The following CSMD1 variants were observed in gnomAD, a reference collection of about 807,000 sequenced individuals.
CSMD1 encodes the protein CUB and sushi domain-containing protein 1.
In CSMD1, 213 loss-of-function variants were observed where a neutral mutation model predicts 417.5. The ratio of observed to expected loss-of-function variants is 0.51; its 90% CI spans 0.46 to 0.57. The LOEUF (loss-of-function observed/expected upper bound fraction) is 0.57. Ranked by LOEUF, CSMD1 falls within the 20% of genes least tolerant of loss-of-function variation. The pLI, the probability that CSMD1 is intolerant of heterozygous loss-of-function variation, is 0.00. For synonymous variants in CSMD1, 2,862 were observed against 1,736.8 expected, an observed-to-expected ratio of 1.65 and a Z score of -16.11; for missense variants, 6,923 against 4,529.7, an observed-to-expected ratio of 1.53 and a Z score of -15.17.
intron 6 of CSMD1, among the ~76,000 whole-genome samples, chr8:3,743,797 C>T (rs893150758): frequency 6.6e-6 from 1 of 152,148 alleles, no homozygotes; most frequent in Admixed American, 6.5e-5. Flanking sequence ...TTACAGCTGC[C>T]GTCACTCCCT....
chr8:3,237,059 G>A (rs987939492), intron 26 of CSMD1, among the ~76,000 whole-genome samples: 1 of 152,028 alleles, frequency 6.6e-6, no homozygotes, highest in Admixed American at 6.6e-5. Flanking sequence ...ACAGCAGTGG[G>A]TCTGACTGTT....
intron 3 of CSMD1, among the ~76,000 whole-genome samples, chr8:4,360,994 T>G (rs1410063068): frequency 2.0e-5 from 3 of 152,204 alleles, no homozygotes; most frequent in Non-Finnish European, 4.4e-5. Flanking sequence ...GACTAATATT[T>G]GAAGACATTT....
intron 1 of CSMD1, among the ~76,000 whole-genome samples, chr8:4,753,253 C>G (rs981353367): frequency 2.6e-5 from 4 of 151,450 alleles, no homozygotes; most frequent in Non-Finnish European, 5.9e-5. Context: ...GGCTGAGTCA[C>G]AAAAGAAAAT....
At chr8:4,347,320 G>A (rs1800829404) in intron 3 of CSMD1, among the ~76,000 whole-genome samples, 1 of 152,126 alleles carries the variant, frequency 6.6e-6, no homozygotes, top group South Asian at 2.1e-4. Flanking sequence ...AAATTATTCA[G>A]TCTATAGCAT....
intron 1 of CSMD1, among the ~76,000 whole-genome samples, chr8:4,737,068 A>G (rs1449464213): frequency 6.6e-6 from 1 of 152,218 alleles, no homozygotes; most frequent in Non-Finnish European, 1.5e-5. Flanking sequence ...ACAAAAGAAA[A>G]GACATGTAAT....
At chr8:3,664,486 T>C (rs1798581155) in intron 7 of CSMD1, among the ~76,000 whole-genome samples, 1 of 152,242 alleles carries the variant, frequency 6.6e-6, no homozygotes, top group South Asian at 2.1e-4. Flanking sequence ...ATGTTAATCA[T>C]GCATAGAATA....
chr8:3,631,799 C>A (rs951550056), intron 7 of CSMD1, among the ~76,000 whole-genome samples: 3 of 152,186 alleles, frequency 2.0e-5, no homozygotes, highest in African/African-American at 7.2e-5. Context: ...ATTTCTCTGC[C>A]TTAGGCACTA....
chr8:3,941,265 G>C (rs748343846), intron 5 of CSMD1, among the ~76,000 whole-genome samples: 2 of 152,108 alleles, frequency 1.3e-5, no homozygotes, highest in African/African-American at 4.8e-5. Context: ...AACCTGACTT[G>C]CTGAATTACA....
intron 3 of CSMD1, among the ~76,000 whole-genome samples, chr8:4,330,767 C>T (rs1799825340): frequency 6.6e-6 from 1 of 152,070 alleles, no homozygotes; most frequent in African/African-American, 2.4e-5. Context: ...TGCGGCATCT[C>T]CTCCCTACTT....
intron 1 of CSMD1, among the ~76,000 whole-genome samples, chr8:4,791,855 A>G (rs572394925): frequency 1.3e-3 from 200 of 151,976 alleles, no homozygotes; most frequent in African/African-American, 4.5e-3. Flanking sequence ...ACTTTTTTTC[A>G]AAAAAAAATT....
rs564675431 is a variant in CSMD1 at position 3,517,156 on chromosome 8, C to T, written c.1345-23430G>A. 4.6e-5 allele frequency among the ~76,000 whole-genome samples: 7 copies of T among 152,182 alleles called. No individual in the cohort carries two copies. The East Asian group carries it at 1.4e-3, about 29-fold the overall frequency. On this transcript the variant is annotated intron_variant, in intron 10 of 69. Coordinates refer to ENST00000635120, the MANE Select transcript of CSMD1 (RefSeq NM_033225.6). Reference sequence around the variant, plus strand: ...TCCCTCCTGCAGTGTGCTCCTCATGCTCATCCCTTCTCATGCCTGTCACCA... The same window carrying T: ...TCCCTCCTGCAGTGTGCTCCTCATGTTCATCCCTTCTCATGCCTGTCACCA...
chr8:4,388,769 T>G lies in CSMD1; in HGVS notation c.415+31184A>C, dbSNP rs896097237. ...AGTAAAAATAAAATAAAACCTGTCT[T>G]TCTGTGTATTCAGTCCTTGATCCTC... On this transcript the variant is annotated intron_variant, in intron 3 of 69. Transcript: ENST00000635120. 8.5e-5 allele frequency among the ~76,000 whole-genome samples: 13 copies of G among 152,284 alleles called. No homozygotes were observed. The East Asian group carries it at 2.5e-3, about 29-fold the overall frequency.
At chr8:4,275,988 T>C (rs990212136) in intron 3 of CSMD1, among the ~76,000 whole-genome samples, 13 of 152,316 alleles carry the variant, frequency 8.5e-5, no homozygotes, top group Admixed American at 8.5e-4. Flanking sequence ...CTGGAGAGAC[T>C]GTGGAGAAAT....
chr8:4,739,799 G>A (rs1049460470), intron 1 of CSMD1, among the ~76,000 whole-genome samples: 6 of 151,986 alleles, frequency 3.9e-5, no homozygotes, highest in Admixed American at 2.0e-4. Flanking sequence ...TTTCTTACCT[G>A]CTGCAACAGC....
intron 7 of CSMD1, among the ~76,000 whole-genome samples, chr8:3,693,072 A>G (rs1800342415): frequency 6.6e-6 from 1 of 152,198 alleles, no homozygotes; most frequent in South Asian, 2.1e-4. Flanking sequence ...AATCAGGAAT[A>G]CATTTATTCT....
At chr8:4,009,406 AG>A (rs1816377692) in intron 4 of CSMD1, among the ~76,000 whole-genome samples, 1 of 152,234 alleles carries the variant, frequency 6.6e-6, no homozygotes, top group South Asian at 2.1e-4. Context: ...TTTATCATAA[AG>A]AAAAATTGAA....
intron 4 of CSMD1, among the ~76,000 whole-genome samples, chr8:4,015,957 G>T (rs909090348): frequency 6.6e-6 from 1 of 152,186 alleles, no homozygotes; most frequent in Admixed American, 6.5e-5. Context: ...CAAGAAGGTT[G>T]CCGTTGGAGG....
intron 40 of CSMD1, among the ~76,000 whole-genome samples, chr8:3,150,016 T>C (rs1819095467): frequency 1.3e-5 from 2 of 152,088 alleles, no homozygotes; most frequent in Non-Finnish European, 2.9e-5. Flanking sequence ...ACTCCAAAGA[T>C]TAGTTCAATA....
Position 4,602,201 on chromosome 8 carries a change from G to T in CSMD1, c.302+35141C>A, listed in dbSNP as rs144453207. On this transcript the variant is annotated intron_variant, in intron 2 of 69. Coordinates refer to ENST00000635120, the MANE Select transcript of CSMD1 (RefSeq NM_033225.6). ...CCCTTATTTCATGTCTTGAGGCATT[G>T]CCTTTCCACCCTATGTCATTGAAAA... Among the ~76,000 whole-genome samples, 372 of 152,190 alleles carry T rather than the reference G, an allele frequency of 2.4e-3. 13 individuals carry two copies. In the East Asian group the frequency reaches 0.064, roughly 26 times the overall value.
Sources: allele counts gnomAD v4.1 joint callset (sites outside exome capture counted in the v4.1 genomes callset), GRCh38; gene constraint gnomAD v4.1.1; transcripts MANE v1.5; gene names NCBI Gene and HGNC (gene_info 2026-07-23, HGNC 2026-07-21).